The following ZFR variants were observed in gnomAD, a reference collection of about 807,000 sequenced individuals.
ZFR encodes the protein zinc finger RNA-binding protein.
ZFR carries 19 observed loss-of-function variants against 130.7 expected under a neutral mutation model. The observed-to-expected ratio is 0.15, with a 90% CI of 0.10 to 0.21. The LOEUF (loss-of-function observed/expected upper bound fraction) is 0.21, where lower values mean the gene tolerates loss of function less well. Among genes scored for constraint, ZFR ranks in the 10% least tolerant of loss-of-function variants. The pLI is 1.00. For synonymous variants in ZFR, 466 were observed against 456.9 expected, an observed-to-expected ratio of 1.02 and a Z score of -0.25; for missense variants, 872 against 1,321.5, an observed-to-expected ratio of 0.66 and a Z score of 5.27.
At chr5:32,375,073 T>C (rs1752768331) in intron 17 of ZFR, among the ~76,000 whole-genome samples, 1 of 152,108 alleles carries the variant, frequency 6.6e-6, no homozygotes, top group African/African-American at 2.4e-5. Context: ...AAACAAACTA[T>C]TGGCAAGCAG....
chr5:32,415,949 A>G (rs1753817515), intron 4 of ZFR, among the ~76,000 whole-genome samples: 1 of 148,058 alleles, frequency 6.8e-6, no homozygotes, highest in Non-Finnish European at 1.5e-5. Context: ...TCAGTTAAGT[A>G]AAAGTACATT....
Position 32,444,697 on chromosome 5 carries a change from C to G in ZFR, c.-39G>C. ...TGCTGCTGAACTCTGAACTCTCACC[C>G]GCTGCCTCCCTCCTCTGCCCCGCTC... On this transcript the variant is annotated 5_prime_UTR_variant, in exon 1 of 20. Transcript: ENST00000265069. 1.3e-6 allele frequency: 2 copies of G among 1,502,604 alleles called. No individual in the cohort carries two copies. Among genetic ancestry groups the G allele is most frequent in the Non-Finnish European group, 1.8e-6 (2 of 1,125,584 alleles). 93.1% of individuals were successfully genotyped at this position (1,502,604 alleles called of 1,614,324 possible). A position where few individuals can be genotyped will look rare whatever the true frequency, so the allele number is the denominator to read the frequency against.
chr5:32,414,839 A>G (rs1753783773), intron 5 of ZFR, 130 bp downstream of exon 5: 1 of 800,696 alleles, frequency 1.2e-6, no homozygotes, highest in African/African-American at 1.7e-5. Flanking sequence ...TTATGTACCT[A>G]TATTTATGTC....
chr5:32,372,782 T>C (rs754191578), intron 17 of ZFR, among the ~76,000 whole-genome samples: 7 of 151,008 alleles, frequency 4.6e-5, no homozygotes, highest in Non-Finnish European at 8.9e-5. Flanking sequence ...TTACAGTGAG[T>C]TGAGATCACA....
chr5:32,415,525 C>CGCGCGT (rs1554073636), intron 4 of ZFR, among the ~76,000 whole-genome samples: 8 of 133,754 alleles, frequency 6.0e-5, no homozygotes, highest in Middle Eastern at 3.8e-3. Context: ...TGCGCGCGCG[C>CGCGCGT]GCGCGCGCAC....
At chr5:32,433,362 G>T (rs1178349654) in intron 2 of ZFR, among the ~76,000 whole-genome samples, 1 of 152,056 alleles carries the variant, frequency 6.6e-6, no homozygotes, top group Non-Finnish European at 1.5e-5. Context: ...ATTCCATATT[G>T]CCCTGACTTC....
At chr5:32,356,051 A>G in intron 19 of ZFR, 112 bp from the exon 20 acceptor site, 1 of 798,274 alleles carries the variant, frequency 1.3e-6, no homozygotes, top group Non-Finnish European at 1.8e-6. Context: ...TAATGAAAGA[A>G]ACATTTAAAG....
At position 32,437,313 on chromosome 5, in the gene ZFR, T is replaced by C. The variant is rs897607872; in HGVS notation, c.137+6916A>G. 5.9e-5 allele frequency among the ~76,000 whole-genome samples: 9 copies of C among 152,296 alleles called. No individual in the cohort carries two copies. In the South Asian group the frequency reaches 1.2e-3, roughly 21 times the overall value. On this transcript the variant is annotated intron_variant, in intron 2 of 19. Transcript: ENST00000265069. ...GTAAACTCCCTGAAAGCAGGGACTA[T>C]GCATATTGTAGATGCTCATAAAATA...
At chr5:32,388,840 T>C (rs564232182) in intron 12 of ZFR, among the ~76,000 whole-genome samples, 166 bp from the exon 13 acceptor site, 1 of 152,346 alleles carries the variant, frequency 6.6e-6, no homozygotes, top group East Asian at 1.9e-4. Flanking sequence ...AGTTATACCA[T>C]CAAGACTATA....
intron 15 of ZFR, among the ~76,000 whole-genome samples, chr5:32,384,143 GAAAT>G (rs1752987662): frequency 6.6e-6 from 1 of 152,042 alleles, no homozygotes; most frequent in South Asian, 2.1e-4. Context: ...AATGTATTCT[GAAAT>G]AAAGTTAAAT....
intron 2 of ZFR, among the ~76,000 whole-genome samples, chr5:32,440,144 G>C (rs993981877): frequency 6.6e-6 from 1 of 152,072 alleles, no homozygotes; most frequent in Non-Finnish European, 1.5e-5. Flanking sequence ...TTATGTAAGT[G>C]CATTTCCTCA....
At chr5:32,439,289 C>G (rs1327976701) in intron 2 of ZFR, among the ~76,000 whole-genome samples, 1 of 152,202 alleles carries the variant, frequency 6.6e-6, no homozygotes, top group African/African-American at 2.4e-5. Flanking sequence ...TTTCAAAAAC[C>G]TGTTCACCTG....
chr5:32,402,351 A>G (rs1753469709), intron 8 of ZFR, among the ~76,000 whole-genome samples: 1 of 152,164 alleles, frequency 6.6e-6, no homozygotes, highest in Non-Finnish European at 1.5e-5. Context: ...ATAGGATGAA[A>G]CTGAAAACTG....
chr5:32,405,033 G>T (rs1753547723), intron 6 of ZFR, among the ~76,000 whole-genome samples: 1 of 152,240 alleles, frequency 6.6e-6, no homozygotes, highest in South Asian at 2.1e-4. Flanking sequence ...GCCCAGGCTG[G>T]TCTCAAACTC....
chr5:32,420,444 G>T (rs1753926559), intron 2 of ZFR, among the ~76,000 whole-genome samples: 1 of 152,014 alleles, frequency 6.6e-6, no homozygotes, highest in Non-Finnish European at 1.5e-5. Flanking sequence ...ACCAAATTAG[G>T]AACTTTAGTG....
At chr5:32,374,396 G>A (rs924520543) in intron 17 of ZFR, among the ~76,000 whole-genome samples, 6 of 151,934 alleles carry the variant, frequency 3.9e-5, no homozygotes, top group East Asian at 1.9e-4. Context: ...CTAGCTACTC[G>A]GGAGGCTGAG....
At chr5:32,411,259 C>T (rs1411682150) in intron 5 of ZFR, among the ~76,000 whole-genome samples, 1 of 152,122 alleles carries the variant, frequency 6.6e-6, no homozygotes, top group African/African-American at 2.4e-5. Flanking sequence ...GACTCAGGAG[C>T]TGGTTTGAGC....
Position 32,403,966 on chromosome 5 carries a change from A to G in ZFR, c.1164T>C (p.Asp388=). The G allele has an allele frequency of 1.2e-6, 2 of 1,613,886 alleles. No homozygotes were observed. The highest frequency in any genetic ancestry group is 1.7e-6 in the Non-Finnish European group (2 of 1,179,914). Residue 388 remains aspartate, a synonymous_variant, in exon 7 of 20, where the codon GAT becomes GAC. Coordinates refer to ENST00000265069, the MANE Select transcript of ZFR (RefSeq NM_016107.5). ...ACGCATCTGCTCCTGTACAAGACAC[A>G]TCGCAGAGCTCACAACGTAGCTGAT... ...TQNQLRCELC[D]VSCTGADAYA...
chr5:32,373,510 G>T (rs1001784779), intron 17 of ZFR, among the ~76,000 whole-genome samples: 1 of 152,180 alleles, frequency 6.6e-6, no homozygotes, highest in Non-Finnish European at 1.5e-5. Flanking sequence ...TCTTTAAACT[G>T]CAGCTTTAAA....
Sources: allele counts gnomAD v4.1 joint callset (sites outside exome capture counted in the v4.1 genomes callset), GRCh38; gene constraint gnomAD v4.1.1; transcripts MANE v1.5; gene names NCBI Gene and HGNC (gene_info 2026-07-23, HGNC 2026-07-21).